The following FRMD4B variants were observed in gnomAD, a reference collection of about 807,000 sequenced individuals.
FRMD4B encodes FERM domain-containing protein 4B.
In FRMD4B, 74 loss-of-function variants were observed where a neutral mutation model predicts 141.5. The ratio of observed to expected loss-of-function variants is 0.52; its 90% CI spans 0.43 to 0.63. The LOEUF (loss-of-function observed/expected upper bound fraction) is 0.63. Among genes scored for constraint, FRMD4B ranks in the 30% least tolerant of loss-of-function variants. The probability of loss-of-function intolerance (pLI) is 0.00; values close to 1 mark genes in which losing one functional copy is unlikely to be tolerated. For synonymous variants in FRMD4B, 506 were observed against 467.9 expected (o/e 1.08, Z -1.05); for missense variants, 1,366 against 1,253.4 (o/e 1.09, Z -1.36).
intron 16 of FRMD4B, 130 bp downstream of exon 16, chr3:69,194,892 C>T: frequency 1.3e-6 from 1 of 752,922 alleles, no homozygotes. Context: ...TCAATTTGGT[C>T]TACACGATCC....
chr3:69,386,155 G>T, upstream of FRMD4B: 1 of 625,288 alleles, frequency 1.6e-6, no homozygotes, highest in Non-Finnish European at 2.6e-6. Context: ...AGGCTCCGGC[G>T]GCATGCCCTG....
intron 5 of FRMD4B, among the ~76,000 whole-genome samples, chr3:69,272,905 G>T (rs1379068742): frequency 4.6e-5 from 7 of 152,130 alleles, no homozygotes; most frequent in African/African-American, 2.4e-5. Context: ...GCCATAAACA[G>T]GCAGCTAGAA....
At chr3:69,412,840 CTTTTTTTTTT>C (rs869150440) in intron 2 of FRMD4B, among the ~76,000 whole-genome samples, 28 of 54,274 alleles carry the variant, frequency 5.2e-4, no homozygotes, top group African/African-American at 2.1e-3. Flanking sequence ...AGAAGCTCCA[CTTTTTTTTTT>C]TTTTTTTTTT....
intron 1 of FRMD4B, among the ~76,000 whole-genome samples, chr3:69,480,738 A>G (rs1290256110): frequency 1.3e-5 from 2 of 152,210 alleles, no homozygotes; most frequent in African/African-American, 4.8e-5. Flanking sequence ...CTCTCTTCAA[A>G]GCTGTCAGAC....
chr3:69,357,351 G>GATT (rs1471581762), intron 1 of FRMD4B, among the ~76,000 whole-genome samples: 3 of 152,232 alleles, frequency 2.0e-5, no homozygotes, highest in Non-Finnish European at 4.4e-5. Flanking sequence ...CTTAACCTGG[G>GATT]ATTCAGGAAT....
intron 1 of FRMD4B, among the ~76,000 whole-genome samples, chr3:69,315,634 A>G (rs558080632): frequency 6.6e-6 from 1 of 152,308 alleles, no homozygotes; most frequent in Admixed American, 6.5e-5. Flanking sequence ...GATCTTTCCA[A>G]TGTCAGCACA....
intron 1 of FRMD4B, among the ~76,000 whole-genome samples, chr3:69,337,525 C>T (rs972569821): frequency 6.6e-6 from 1 of 152,162 alleles, no homozygotes; most frequent in Non-Finnish European, 1.5e-5. Context: ...AGGCAACCTA[C>T]AGAATGGGAG....
intron 1 of FRMD4B, among the ~76,000 whole-genome samples, chr3:69,470,035 C>T (rs1251720603): frequency 6.6e-6 from 1 of 152,144 alleles, no homozygotes; most frequent in Non-Finnish European, 1.5e-5. Context: ...CCAAGACACC[C>T]AGATGCAAAA....
At chr3:69,494,390 T>C (rs902492180) in intron 1 of FRMD4B, among the ~76,000 whole-genome samples, 2 of 152,204 alleles carry the variant, frequency 1.3e-5, no homozygotes, top group African/African-American at 2.4e-5. Flanking sequence ...AAAGCATGAC[T>C]AGTAATCTAA....
intron 1 of FRMD4B, among the ~76,000 whole-genome samples, chr3:69,367,361 G>C (rs1703695750): frequency 6.6e-6 from 1 of 151,986 alleles, no homozygotes; most frequent in Admixed American, 6.6e-5. Flanking sequence ...TTAATAATTT[G>C]GGCTATACAT....
At chr3:69,229,643 T>C (rs1326067890) in intron 7 of FRMD4B, among the ~76,000 whole-genome samples, 1 of 152,152 alleles carries the variant, frequency 6.6e-6, no homozygotes, top group Non-Finnish European at 1.5e-5. Context: ...AGAAGTAGAA[T>C]TCCAAATGGC....
At chr3:69,421,918 G>A (rs762214537) in intron 2 of FRMD4B, among the ~76,000 whole-genome samples, 5 of 152,264 alleles carry the variant, frequency 3.3e-5, no homozygotes, top group African/African-American at 4.8e-5. Context: ...CTGGAATTTC[G>A]TGGCATAACC....
chr3:69,461,127 CGT>C (rs1414325606), intron 1 of FRMD4B, among the ~76,000 whole-genome samples: 1 of 152,212 alleles, frequency 6.6e-6, no homozygotes, highest in African/African-American at 2.4e-5. Flanking sequence ...GCTCTCTCTG[CGT>C]GTGATATCCC....
chr3:69,205,170 C>G (rs1473400562), intron 11 of FRMD4B, among the ~76,000 whole-genome samples: 1 of 146,694 alleles, frequency 6.8e-6, no homozygotes, highest in African/African-American at 2.5e-5. Context: ...AGTCCCCCCC[C>G]TTTTTTTTTT....
intron 1 of FRMD4B, among the ~76,000 whole-genome samples, chr3:69,357,051 T>C (rs901418976): frequency 6.6e-6 from 1 of 152,226 alleles, no homozygotes; most frequent in African/African-American, 2.4e-5. Context: ...TGACCAACAC[T>C]GTTCAAGAAT....
chr3:69,479,805 C>T (rs560464329), intron 1 of FRMD4B, among the ~76,000 whole-genome samples: 1 of 152,298 alleles, frequency 6.6e-6, no homozygotes, highest in South Asian at 2.1e-4. Context: ...AGATTGTTTT[C>T]CAACTTGGTT....
chr3:69,488,836 T>C (rs9310160), intron 1 of FRMD4B, among the ~76,000 whole-genome samples: 9,268 of 135,376 alleles, frequency 0.068, 597 homozygotes, highest in African/African-American at 0.17. Flanking sequence ...GAGGTTGCAG[T>C]GAGCCGAGAT....
At chr3:69,253,811 G>C (rs2093477417) in intron 5 of FRMD4B, among the ~76,000 whole-genome samples, 1 of 152,214 alleles carries the variant, frequency 6.6e-6, no homozygotes. Flanking sequence ...ATTGAAGTCT[G>C]GCTCAGGGGC....
chr3:69,245,834 GTTTTTTTTTT>G (rs1183774603), intron 7 of FRMD4B, among the ~76,000 whole-genome samples: 1 of 78,358 alleles, frequency 1.3e-5, no homozygotes, highest in African/African-American at 5.6e-5. Context: ...AGGCTAATTT[GTTTTTTTTTT>G]TTTTTTTTTT....
Sources: allele counts gnomAD v4.1 joint callset (sites outside exome capture counted in the v4.1 genomes callset), GRCh38; gene constraint gnomAD v4.1.1; transcripts MANE v1.5; gene names NCBI Gene and HGNC (gene_info 2026-07-23, HGNC 2026-07-21).